SLC22A24: variants seen among roughly 807,000 people sequenced by gnomAD.
SLC22A24 encodes solute carrier family 22 member 24.
Under a neutral mutation model 49.8 loss-of-function variants are expected in SLC22A24, and 53 were observed. The ratio of observed to expected loss-of-function variants is 1.06; its 90% CI spans 0.85 to 1.34. The LOEUF (loss-of-function observed/expected upper bound fraction) is 1.34. Ranked by LOEUF, SLC22A24 falls within the 40% of genes most tolerant of loss-of-function variation. The pLI is 0.00. For missense variants in SLC22A24, 786 were observed against 675.9 expected, an observed-to-expected ratio of 1.16 and a Z score of -1.81; for synonymous variants, 302 against 256.4, an observed-to-expected ratio of 1.18 and a Z score of -1.70.
intron 2 of SLC22A24, among the ~76,000 whole-genome samples, chr11:63,124,165 G>A (rs559569071): frequency 1.3e-5 from 2 of 152,288 alleles, no homozygotes; most frequent in African/African-American, 4.8e-5. Context: ...AAGACTAGCA[G>A]AAAATGGAAG....
chr11:63,141,360 T>G (rs376352418), intron 1 of SLC22A24, among the ~76,000 whole-genome samples: 6 of 152,336 alleles, frequency 3.9e-5, no homozygotes, highest in East Asian at 3.9e-4. Context: ...ACAGATTTAG[T>G]TGGCCTCATG....
intron 6 of SLC22A24, among the ~76,000 whole-genome samples, chr11:63,088,370 T>TTC (rs2086999721): frequency 1.4e-4 from 2 of 14,382 alleles, no homozygotes; most frequent in Admixed American, 8.5e-4. Context: ...AACAGAAAGC[T>TTC]ACAACATCAA....
At chr11:63,111,493 T>C (rs1350899794) in intron 4 of SLC22A24, among the ~76,000 whole-genome samples, 1 of 152,010 alleles carries the variant, frequency 6.6e-6, no homozygotes, top group African/African-American at 2.4e-5. Flanking sequence ...CTCTTTTTGG[T>C]TGGTAAGCTA....
At chr11:63,135,966 G>A (rs1402834714) in intron 1 of SLC22A24, among the ~76,000 whole-genome samples, 1 of 152,196 alleles carries the variant, frequency 6.6e-6, no homozygotes, top group East Asian at 1.9e-4. Flanking sequence ...TACGCAAGAA[G>A]TTGCCAAAGA....
intron 6 of SLC22A24, among the ~76,000 whole-genome samples, chr11:63,093,740 G>A (rs75592587): frequency 6.6e-6 from 1 of 151,552 alleles, no homozygotes; most frequent in Non-Finnish European, 1.5e-5. Context: ...ATAACTAATG[G>A]GTATTAGGCT....
rs143980042 is a variant in SLC22A24 at position 63,093,469 on chromosome 11, A to G, written c.1070+2522T>C. On this transcript the variant is annotated intron_variant, in intron 6 of 9. Transcript: ENST00000612278. ...AAGACCCATCAATAATAGACTAGATAAAGAAAATGTGGCACATATACACCA... is the reference window on the plus strand; with the variant it reads ...AAGACCCATCAATAATAGACTAGATGAAGAAAATGTGGCACATATACACCA... 5.2e-3 allele frequency among the ~76,000 whole-genome samples: 795 copies of G among 152,330 alleles called. 3 individuals are homozygous for G. The highest frequency in any genetic ancestry group is 7.6e-3 in the Non-Finnish European group (516 of 68,038).
In SLC22A24 at chr11:63,143,774, G is replaced by A; in HGVS notation, c.6C>T (p.Gly2=). 7.0e-7 allele frequency: 1 copy of A among 1,425,786 alleles called. No homozygotes were observed. The highest frequency in any genetic ancestry group is 9.2e-7 in the Non-Finnish European group (1 of 1,086,528). The allele number at this position is 1,425,786 out of a possible 1,614,324, so 88.3% of individuals were successfully genotyped here. Residue 2 remains glycine (G), a synonymous_variant, in exon 1 of 10, where the codon GGC becomes GGT. Transcript: ENST00000612278. M[G]FDVLLDQVGG... ...CCACTTGATCCAGGAGCACATCAAA[G>A]CCCATTGAGACTGAACAGGTGATCC...
At chr11:63,110,363 A>G (rs1341864464) in intron 4 of SLC22A24, among the ~76,000 whole-genome samples, 2 of 152,128 alleles carry the variant, frequency 1.3e-5, no homozygotes, top group Non-Finnish European at 2.9e-5. Flanking sequence ...AGTTTAAAGT[A>G]GTTTTTTCCA....
intron 1 of SLC22A24, among the ~76,000 whole-genome samples, chr11:63,139,588 ACT>A (rs746388156): frequency 3.3e-5 from 5 of 151,798 alleles, no homozygotes; most frequent in Non-Finnish European, 7.4e-5. Context: ...GAGAAATGAG[ACT>A]CTCATGGGGG....
intron 2 of SLC22A24, among the ~76,000 whole-genome samples, chr11:63,133,357 C>T (rs1419416594): frequency 6.6e-6 from 1 of 152,202 alleles, no homozygotes; most frequent in Non-Finnish European, 1.5e-5. Context: ...GAACCAGGTA[C>T]CTCAGCTGGA....
At chr11:63,111,453 A>T (rs10897363) in intron 4 of SLC22A24, among the ~76,000 whole-genome samples, 119,636 of 151,196 alleles carry the variant, frequency 0.79, 48,538 homozygotes, top group East Asian at 0.9. Flanking sequence ...CCTCTGGTAG[A>T]ATTCGGCTGT....
rs1485004991 is a variant in SLC22A24 at position 63,140,080 on chromosome 11, T to A, written c.402+3298A>T. ...GACAGTTTTTTTGTTTTTTTGTTTT[T>A]TTTTTTTGTTTTTTTTTTTTGAGAC... is the stretch of plus-strand genomic sequence containing the variant. On this transcript the variant is annotated intron_variant, in intron 1 of 9. Coordinates refer to ENST00000612278, the MANE Select transcript of SLC22A24 (RefSeq NM_001136506.2). Among the ~76,000 whole-genome samples the A allele has an allele frequency of 4.4e-4, 26 of 59,056 alleles. 1 individual carries two copies. The highest frequency in any genetic ancestry group is 9.1e-4 in the Non-Finnish European group (21 of 23,194). 38.7% of individuals were successfully genotyped at this position (59,056 alleles called of 152,430 possible).
rs1195636349 is a variant in SLC22A24, at chr11:63,118,911, C to T, written c.830+1G>A. ...GCAAAGAATGTGGAGATTGTTCATA[C>T]CAAGAGGACAAGAAGAGGACAATTA... On this transcript the variant is annotated splice_donor_variant, in intron 4 of 9. Coordinates refer to ENST00000612278, the MANE Select transcript of SLC22A24 (RefSeq NM_001136506.2). LOFTEE classifies it high-confidence loss of function. 13 of 1,551,994 alleles carry T rather than the reference C, an allele frequency of 8.4e-6. No individual in the cohort carries two copies. Among genetic ancestry groups the T allele is most frequent in the South Asian group, 3.6e-5 (3 of 84,056 alleles).
chr11:63,112,353 A>T (rs1252588436), intron 4 of SLC22A24, among the ~76,000 whole-genome samples: 1 of 152,138 alleles, frequency 6.6e-6, no homozygotes, highest in Non-Finnish European at 1.5e-5. Context: ...AGTTCTGTAG[A>T]TGTCTATTAG....
chr11:63,097,699 G>A (rs768731585), intron 5 of SLC22A24, among the ~76,000 whole-genome samples: 4 of 152,032 alleles, frequency 2.6e-5, no homozygotes, highest in Non-Finnish European at 5.9e-5. Context: ...TAAAGAAAAC[G>A]GGGCACATAT....
At chr11:63,137,770 A>G (rs2087386052) in intron 1 of SLC22A24, 1 of 152,200 alleles carries the variant, frequency 6.6e-6, no homozygotes, top group South Asian at 2.1e-4. Context: ...TTAAAGTGGC[A>G]TGAACCCCAC....
chr11:63,112,685 A>G (rs769859513), intron 4 of SLC22A24, among the ~76,000 whole-genome samples: 23 of 151,998 alleles, frequency 1.5e-4, no homozygotes, highest in African/African-American at 4.3e-4. Context: ...TTGCTTCTCT[A>G]GTTCTTTCAG....
intron 2 of SLC22A24, among the ~76,000 whole-genome samples, chr11:63,131,087 G>A (rs1037847196): frequency 1.3e-5 from 2 of 151,938 alleles, no homozygotes; most frequent in Admixed American, 1.3e-4. Flanking sequence ...TCAGATACTA[G>A]GATTGCAACC....
rs371361612 is a variant in SLC22A24 at position 63,129,965 on chromosome 11, A to G, written c.506+4700T>C. ...CCCTTTTTCTAACTGAACACCCTTTATTTCTTTCTCTTGCCTGATTGCCGT... is the reference window on the plus strand; with the variant it reads ...CCCTTTTTCTAACTGAACACCCTTTGTTTCTTTCTCTTGCCTGATTGCCGT... On this transcript the variant is annotated intron_variant, in intron 2 of 9. Transcript: ENST00000612278. Among the ~76,000 whole-genome samples the G allele has an allele frequency of 2.0e-5, 3 of 152,122 alleles. No homozygotes were observed. The East Asian group carries it at 5.8e-4, about 29-fold the overall frequency.
Sources: gnomAD v4.1 joint callset for allele counts (sites outside exome capture counted in the v4.1 genomes callset) on GRCh38, gnomAD v4.1.1 for gene constraint, MANE v1.5 for transcripts, NCBI Gene and HGNC (gene_info 2026-07-23, HGNC 2026-07-21) for gene names.